The following SH3D19 variants were observed in gnomAD, a reference collection of about 807,000 sequenced individuals.
SH3D19 encodes SH3 domain containing 19.
Under a neutral mutation model 112.1 loss-of-function variants are expected in SH3D19, and 58 were observed. The observed-to-expected ratio is 0.52, with a 90% CI of 0.42 to 0.64. The LOEUF (loss-of-function observed/expected upper bound fraction) is 0.64, where lower values mean the gene tolerates loss of function less well. Among genes scored for constraint, SH3D19 ranks in the 30% least tolerant of loss-of-function variants. SH3D19 has a pLI of 0.00. For synonymous variants in SH3D19, 391 were observed against 448.5 expected, an observed-to-expected ratio of 0.87 and a Z score of 1.62; for missense variants, 1,090 against 1,263.4, an observed-to-expected ratio of 0.86 and a Z score of 2.08.
intron 1 of SH3D19, among the ~76,000 whole-genome samples, chr4:151,254,824 A>G (rs561211060): frequency 2.0e-3 from 309 of 151,798 alleles, no homozygotes; most frequent in African/African-American, 7.1e-3. Context: ...CCCGTTCTCA[A>G]TGAGCTGTTG....
At chr4:151,317,548 A>G (rs1405727588) in intron 1 of SH3D19, among the ~76,000 whole-genome samples, 1 of 152,252 alleles carries the variant, frequency 6.6e-6, no homozygotes, top group African/African-American at 2.4e-5. Context: ...AGAGGGAAAG[A>G]AAACAGAACG....
chr4:151,254,944 G>A (rs74607940), intron 1 of SH3D19, among the ~76,000 whole-genome samples: 3 of 142,524 alleles, frequency 2.1e-5, no homozygotes, highest in Non-Finnish European at 4.7e-5. Context: ...CTGGCCAGGC[G>A]GGGGGCTGAC....
chr4:151,286,112 T>TC (rs1179296969), intron 1 of SH3D19, among the ~76,000 whole-genome samples: 1 of 141,924 alleles, frequency 7.0e-6, no homozygotes, highest in African/African-American at 2.6e-5. Context: ...GCCCAGGAGT[T>TC]CAAGGCTGCA....
chr4:151,172,272 C>T, intron 7 of SH3D19, among the ~76,000 whole-genome samples: 1 of 152,102 alleles, frequency 6.6e-6, no homozygotes, highest in East Asian at 1.9e-4. Flanking sequence ...AACAAAAATC[C>T]CTCCACAGGT....
In SH3D19 at chr4:151,208,238, A is replaced by G. The variant is rs964525169; in HGVS notation, c.152+17809T>C. ...GGCTTCCATAATGAAAAGAAATTCC[A>G]CTTGTGGATGGCAGCTTCACTCCAT... is the stretch of plus-strand genomic sequence containing the variant. On this transcript the variant is annotated intron_variant, in intron 2 of 19. Transcript: ENST00000604030. 2.6e-5 allele frequency among the ~76,000 whole-genome samples: 4 copies of G among 152,134 alleles called. No homozygotes were observed. In the East Asian group the frequency reaches 7.7e-4, roughly 29 times the overall value.
At chr4:151,229,785 C>G (rs6847934) in intron 1 of SH3D19, among the ~76,000 whole-genome samples, 105,310 of 152,080 alleles carry the variant, frequency 0.69, 41,672 homozygotes, top group Non-Finnish European at 0.89. Context: ...CGTGGTGGTG[C>G]ACGCCTGTAA....
In SH3D19 at chr4:151,176,969, G is replaced by A; in HGVS notation, c.237-14C>T. ...ATCTCTGGGCGCCTAGTGGACAGAA[G>A]CCTCAGTGAGGTTTTGCAGAATGGT... On this transcript the variant is annotated splice_polypyrimidine_tract_variant and intron_variant, in intron 4 of 19. Coordinates refer to ENST00000604030, the MANE Select transcript of SH3D19 (RefSeq NM_001378122.1). 2 of 1,232,098 alleles carry A rather than the reference G, an allele frequency of 1.6e-6. No individual in the cohort carries two copies. The highest frequency in any genetic ancestry group is 2.0e-6 in the Non-Finnish European group (2 of 987,888). The allele number at this position is 1,232,098 out of a possible 1,614,324, so 76.3% of individuals were successfully genotyped here.
At position 151,263,790 on chromosome 4, in the gene SH3D19, TTTGTTGTTG is replaced by T. The variant is rs145008066; in HGVS notation, c.113-37713_113-37705del. On this transcript the variant is annotated intron_variant, in intron 1 of 19. Transcript: ENST00000604030. The stretch of plus-strand genomic sequence containing the variant: ...AACACCCAAAATGGAAGCTACAGTT[TTTGTTGTTG>T]TTGTTGTTGTTGTTGTTGTTGTTTT... Among the ~76,000 whole-genome samples, 200 of 151,062 alleles carry T rather than the reference TTTGTTGTTG, an allele frequency of 1.3e-3. 1 individual carries two copies. The highest frequency in any genetic ancestry group is 3.4e-3 in the Middle Eastern group (1 of 292).
intron 1 of SH3D19, among the ~76,000 whole-genome samples, chr4:151,271,705 A>G (rs948630126): frequency 2.0e-5 from 3 of 152,242 alleles, no homozygotes; most frequent in Non-Finnish European, 4.4e-5. Context: ...CTGTTTGGGT[A>G]GAATTAAATA....
chr4:151,321,942 G>C (rs770932876), intron 1 of SH3D19, among the ~76,000 whole-genome samples: 3 of 152,122 alleles, frequency 2.0e-5, no homozygotes, highest in Non-Finnish European at 4.4e-5. Context: ...CAAGAATTCA[G>C]GTGTTGTGTC....
intron 1 of SH3D19, among the ~76,000 whole-genome samples, chr4:151,313,297 A>G (rs1729659143): frequency 6.6e-6 from 1 of 152,182 alleles, no homozygotes. Flanking sequence ...GAGAAATACG[A>G]AAGGAACAAG....
chr4:151,183,127 G>T (rs1490626758), intron 3 of SH3D19, among the ~76,000 whole-genome samples: 1 of 151,790 alleles, frequency 6.6e-6, no homozygotes, highest in African/African-American at 2.4e-5. Flanking sequence ...TAGTAGCTGG[G>T]ATTACAGGTG....
chr4:151,299,060 A>G (rs1001161079), intron 1 of SH3D19, among the ~76,000 whole-genome samples: 1 of 152,198 alleles, frequency 6.6e-6, no homozygotes, highest in African/African-American at 2.4e-5. Flanking sequence ...TCCTTTTTAA[A>G]TGTTTAAAAT....
At chr4:151,287,980 T>A (rs1400006100) in intron 1 of SH3D19, among the ~76,000 whole-genome samples, 1 of 152,022 alleles carries the variant, frequency 6.6e-6, no homozygotes, top group East Asian at 1.9e-4. Context: ...CAGAAATCAA[T>A]CAATGTTAAT....
At chr4:151,240,585 T>C (rs1358631540) in intron 1 of SH3D19, among the ~76,000 whole-genome samples, 2 of 151,962 alleles carry the variant, frequency 1.3e-5, no homozygotes, top group Non-Finnish European at 2.9e-5. Flanking sequence ...CACAATAAGA[T>C]ACCACTTCAC....
intron 1 of SH3D19, among the ~76,000 whole-genome samples, chr4:151,246,144 T>C (rs1196890591): frequency 6.6e-6 from 1 of 152,012 alleles, no homozygotes; most frequent in Admixed American, 6.6e-5. Context: ...CTCCATCAGA[T>C]TAAATAGCTA....
chr4:151,150,180 A>G (rs1366093974), intron 9 of SH3D19, among the ~76,000 whole-genome samples: 2 of 72,168 alleles, frequency 2.8e-5, no homozygotes, highest in Non-Finnish European at 5.1e-5. Context: ...GCAAGACTCC[A>G]TCTCAAAAAA....
chr4:151,324,787 G>C (rs1339033200), intron 1 of SH3D19, among the ~76,000 whole-genome samples: 1 of 146,142 alleles, frequency 6.8e-6, no homozygotes, highest in Non-Finnish European at 1.5e-5. Context: ...AGGGAGGGAG[G>C]GGGGTCACAG....
chr4:151,260,411 T>G lies in SH3D19; in HGVS notation c.113-34325A>C, dbSNP rs370666486. ...CTTTTTCTCTCTCTGCCTTCCCCAT[T>G]TCATTCACCAATGTAACCAGTTACT... On this transcript the variant is annotated intron_variant, in intron 1 of 19. Coordinates refer to ENST00000604030, the MANE Select transcript of SH3D19 (RefSeq NM_001378122.1). 2.0e-4 allele frequency among the ~76,000 whole-genome samples: 31 copies of G among 152,296 alleles called. 1 individual carries two copies. In the East Asian group the frequency reaches 2.1e-3, roughly 10 times the overall value.
Sources: gnomAD v4.1 joint callset for allele counts (sites outside exome capture counted in the v4.1 genomes callset) on GRCh38, gnomAD v4.1.1 for gene constraint, MANE v1.5 for transcripts, NCBI Gene and HGNC (gene_info 2026-07-23, HGNC 2026-07-21) for gene names.